The following LMNB2 variants were observed in gnomAD, a reference collection of about 807,000 sequenced individuals.
LMNB2 encodes the protein lamin-B2.
LMNB2 carries 17 observed loss-of-function variants against 69.3 expected under a neutral mutation model. The observed-to-expected ratio is 0.25, with a 90% confidence interval of 0.17 to 0.37. The LOEUF (loss-of-function observed/expected upper bound fraction) is 0.37, where lower values mean the gene tolerates loss of function less well. Ranked by LOEUF, LMNB2 falls within the 10% of genes least tolerant of loss-of-function variation. The pLI is 1.00. For missense variants in LMNB2, 789 were observed against 883.6 expected (o/e 0.89, Z 1.36); for synonymous variants, 397 against 389.3 (o/e 1.02, Z -0.23).
At chr19:2,449,266 C>T (rs976323369) in intron 1 of LMNB2, among the ~76,000 whole-genome samples, 6 of 152,136 alleles carry the variant, frequency 3.9e-5, no homozygotes, top group South Asian at 2.1e-4. Flanking sequence ...CACAGAGGAG[C>T]GGGCGGTGTG....
Position 2,456,754 on chromosome 19 carries a change from G to A in LMNB2, c.180C>T (p.Tyr60=), listed in dbSNP as rs1216160175. 8 of 1,559,892 alleles carry A rather than the reference G, an allele frequency of 5.1e-6. No individual in the cohort carries two copies. In the Middle Eastern group the frequency reaches 5.6e-4, roughly 110 times the overall value. ...GCTCCAGCGCGCGGACGCGGTCGAT[G>A]TAGTGCGCCAGGCGGTCGTTGAGCT... The part of the protein sequence containing the change: ...LRELNDRLAH[Y]IDRVRALELE... Residue 60 remains tyrosine, a synonymous_variant, in exon 1 of 12, where the codon TAC becomes TAT. Coordinates refer to ENST00000325327, the MANE Select transcript of LMNB2 (RefSeq NM_032737.4).
chr19:2,434,634 A>G, intron 6 of LMNB2, 119 bp from the exon 7 acceptor site: 1 of 1,492,714 alleles, frequency 6.7e-7, no homozygotes. Context: ...AGGCCTGGGC[A>G]TGGGGCGCAC....
Position 2,430,721 on chromosome 19 carries a change from C to T in LMNB2, c.*190G>A, listed in dbSNP as rs887008859. The T allele has an allele frequency of 4.6e-5, 31 of 678,818 alleles. No individual in the cohort carries two copies. The highest frequency in any genetic ancestry group is 1.4e-4 in the South Asian group (9 of 63,566). 42.0% of individuals were successfully genotyped at this position (678,818 alleles called of 1,614,324 possible). On this transcript the variant is annotated 3_prime_UTR_variant, in exon 12 of 12. Transcript: ENST00000325327. ...GATTGAAAAGTCTCCGGGGCAGCGG[C>T]GAAGTGGCAGCGAAGTGAGGCTGGA... is the stretch of plus-strand genomic sequence containing the variant.
intron 6 of LMNB2, 21 bp from the exon 7 acceptor site, chr19:2,434,536 G>C (rs772285864): frequency 3.1e-6 from 5 of 1,607,346 alleles, no homozygotes; most frequent in Admixed American, 1.7e-5. Flanking sequence ...GGCGGGTGGC[G>C]AAGGTCAGGG....
rs1168229116 is a variant in LMNB2, at chr19:2,453,096, G to A, written c.264+3574C>T. Among the ~76,000 whole-genome samples, 1 of 151,732 alleles carries A rather than the reference G, an allele frequency of 6.6e-6. No homozygotes were observed. The highest frequency in any genetic ancestry group is 1.5e-5 in the Non-Finnish European group (1 of 67,926). On this transcript the variant is annotated intron_variant, in intron 1 of 11. Transcript: ENST00000325327. This position sits in a 1 kb window ranked among gnomAD's most constrained non-coding sequence, Gnocchi z 4.4. Reference sequence around the variant, plus strand: ...GCTGGGTCATCCTCGTGAGGGCTGCGTCATCCTCGTGGGGGCCAGGTGATT... The same window carrying A: ...GCTGGGTCATCCTCGTGAGGGCTGCATCATCCTCGTGGGGGCCAGGTGATT...
chr19:2,433,858 T>G lies in LMNB2; in HGVS notation c.1450A>C (p.Lys484Gln), dbSNP rs751304130. ...VSIEEIDLEG[K>Q]FVQLKNNSDK... is the part of the protein sequence containing the mutation. ...GAGTTGTTCTTGAGCTGCACAAACT[T>G]GCCCTCCAGGTCGATCTCCTCGATG... Residue 484 changes from lysine to glutamine, a missense_variant, in exon 8 of 12, where the codon AAG becomes CAG. Coordinates refer to ENST00000325327, the MANE Select transcript of LMNB2 (RefSeq NM_032737.4). 4 of 1,613,364 alleles carry G rather than the reference T, an allele frequency of 2.5e-6. No homozygotes were observed. In the Admixed American group the frequency reaches 6.7e-5, roughly 27 times the overall value.
chr19:2,432,828 C>T (rs1971760935), intron 8 of LMNB2, among the ~76,000 whole-genome samples: 2 of 137,930 alleles, frequency 1.5e-5, no homozygotes, highest in Non-Finnish European at 3.1e-5. Flanking sequence ...TGACCCTGGT[C>T]ACCCCATCAG....
At chr19:2,437,564 G>A (rs762294321) in intron 4 of LMNB2, among the ~76,000 whole-genome samples, 1 of 152,196 alleles carries the variant, frequency 6.6e-6, no homozygotes, top group Non-Finnish European at 1.5e-5. Flanking sequence ...AGTTTGGGAG[G>A]CCGAGGCGGA....
At chr19:2,440,284 G>A (rs888505792) in intron 2 of LMNB2, among the ~76,000 whole-genome samples, 5 of 150,828 alleles carry the variant, frequency 3.3e-5, no homozygotes, top group African/African-American at 1.2e-4. Flanking sequence ...TCCACCTCCC[G>A]GGTTCAAGCG....
At chr19:2,449,069 CT>C (rs891372113) in intron 1 of LMNB2, among the ~76,000 whole-genome samples, 12 of 151,528 alleles carry the variant, frequency 7.9e-5, no homozygotes, top group East Asian at 1.9e-4. Context: ...TAGTTTCTAA[CT>C]TTTTTTTTAA....
At chr19:2,455,650 G>A (rs760266436) in intron 1 of LMNB2, among the ~76,000 whole-genome samples, 5 of 152,090 alleles carry the variant, frequency 3.3e-5, no homozygotes, top group Non-Finnish European at 7.4e-5. Context: ...CTCCATAGGT[G>A]GGGCATTCCT....
chr19:2,446,239 C>T (rs1971954381), intron 1 of LMNB2, among the ~76,000 whole-genome samples: 1 of 150,774 alleles, frequency 6.6e-6, no homozygotes, highest in African/African-American at 2.4e-5. Context: ...CCTTTCCCGA[C>T]GGAGACCCAG....
chr19:2,441,958 C>T (rs1971904731), intron 2 of LMNB2, among the ~76,000 whole-genome samples: 1 of 152,222 alleles, frequency 6.6e-6, no homozygotes, highest in Non-Finnish European at 1.5e-5. Context: ...GTCTAAACCA[C>T]AGGGTTCCGC....
chr19:2,451,688 C>T (rs1972023485), intron 1 of LMNB2, among the ~76,000 whole-genome samples: 1 of 152,204 alleles, frequency 6.6e-6, no homozygotes, highest in Non-Finnish European at 1.5e-5. Flanking sequence ...CACATGTGGG[C>T]CTGGCAGGGC....
chr19:2,435,040 C>A lies in LMNB2; in HGVS notation c.816G>T (p.Arg272=), dbSNP rs1405620165. The A allele has an allele frequency of 1.2e-6, 2 of 1,610,216 alleles. No individual in the cohort carries two copies. Among genetic ancestry groups the A allele is most frequent in the Admixed American group, 1.7e-5 (1 of 59,992 alleles). Residue 272 remains arginine, a synonymous_variant, in exon 5 of 12, where the codon CGG becomes CGT. Transcript: ENST00000325327. The stretch of plus-strand genomic sequence containing the variant: ...TCTGCTCCAGCTCCAGCTTGTAGAG[C>A]CGCACTTGCTCGTCGTGCTGGCTCC... The part of the protein sequence containing the change: ...ELRSQHDEQV[R]LYKLELEQTY...
chr19:2,456,192 C>T (rs1972086134), intron 1 of LMNB2, among the ~76,000 whole-genome samples: 2 of 149,754 alleles, frequency 1.3e-5, no homozygotes, highest in Admixed American at 1.3e-4. Context: ...GCCGGACTGT[C>T]CCCGTCTGCA....
intron 1 of LMNB2, among the ~76,000 whole-genome samples, chr19:2,450,567 C>G (rs935951979): frequency 1.3e-5 from 2 of 151,836 alleles, no homozygotes; most frequent in African/African-American, 2.4e-5. Flanking sequence ...CACCTGAGGT[C>G]AGGAATTTAA....
chr19:2,443,244 C>A lies in LMNB2; in HGVS notation c.401+1160G>T, dbSNP rs1183704257. On this transcript the variant is annotated intron_variant, in intron 2 of 11. Transcript: ENST00000325327. The surrounding 1 kb of genome is among the most constrained non-coding windows in gnomAD (Gnocchi z 6.2). ...CCCTCCTGGAGCCCCAGGCCCCGGG[C>A]AGGCGGGCGGTGGTCCCTGGGCTGA... is the stretch of plus-strand genomic sequence containing the variant. Among the ~76,000 whole-genome samples the A allele has an allele frequency of 6.6e-6, 1 of 152,208 alleles. No individual in the cohort carries two copies. Among genetic ancestry groups the A allele is most frequent in the Non-Finnish European group, 1.5e-5 (1 of 68,034 alleles).
At chr19:2,441,532 G>A (rs1159206417) in intron 2 of LMNB2, among the ~76,000 whole-genome samples, 1 of 152,254 alleles carries the variant, frequency 6.6e-6, no homozygotes, top group Non-Finnish European at 1.5e-5. Context: ...AGAGGGCTGC[G>A]AGCCCTGCGG....
Sources: gnomAD v4.1 joint callset for allele counts (sites outside exome capture counted in the v4.1 genomes callset) on GRCh38, gnomAD v4.1.1 for gene constraint, Gnocchi (gnomAD v3.1) non-coding constraint, MANE v1.5 for transcripts, NCBI Gene and HGNC (gene_info 2026-07-23, HGNC 2026-07-21) for gene names.